EPHA5: variants seen among roughly 807,000 people sequenced by gnomAD.
The protein encoded by EPHA5 is ephrin type-A receptor 5.
EPHA5 carries 60 observed loss-of-function variants against 105.0 expected under a neutral mutation model. The ratio of observed to expected loss-of-function variants is 0.57; its 90% CI spans 0.46 to 0.71. The LOEUF (loss-of-function observed/expected upper bound fraction) is 0.71, where lower values mean the gene tolerates loss of function less well. EPHA5 is among the 30% of genes least tolerant of loss of function. EPHA5 has a pLI of 0.00. For synonymous variants in EPHA5, 513 were observed against 449.1 expected, an observed-to-expected ratio of 1.14 and a Z score of -1.80; for missense variants, 1,218 against 1,274.7, an observed-to-expected ratio of 0.96 and a Z score of 0.68.
intron 5 of EPHA5, among the ~76,000 whole-genome samples, chr4:65,443,194 A>T (rs1214931238): frequency 6.6e-6 from 1 of 152,062 alleles, no homozygotes; most frequent in African/African-American, 2.4e-5. Flanking sequence ...GAGGCATTGT[A>T]CTTCATAGAT....
chr4:65,595,393 T>C (rs1743071400), intron 3 of EPHA5, among the ~76,000 whole-genome samples: 1 of 152,088 alleles, frequency 6.6e-6, no homozygotes, highest in Admixed American at 6.6e-5. Context: ...TTTGTACTTC[T>C]AACAAAATTT....
rs1490770782 is a variant in EPHA5 at position 65,322,878 on chromosome 4, C to T, written c.*1236G>A. 3.1e-5 allele frequency: 7 copies of T among 228,670 alleles called. No homozygotes were observed. The highest frequency in any genetic ancestry group is 6.1e-5 in the Non-Finnish European group (7 of 115,320). 14.2% of individuals were successfully genotyped at this position (228,670 alleles called of 1,614,324 possible). On this transcript the variant is annotated 3_prime_UTR_variant, in exon 17 of 17. Coordinates refer to ENST00000613740, the MANE Select transcript of EPHA5 (RefSeq NM_001281766.3). ...TATATTTGTCATAATTCCATTGCTG[C>T]CTTAGAGTCAAAATTTCTAGAACTG... is the stretch of plus-strand genomic sequence containing the variant.
At chr4:65,645,075 T>C (rs908023897) in intron 1 of EPHA5, among the ~76,000 whole-genome samples, 1 of 152,080 alleles carries the variant, frequency 6.6e-6, no homozygotes, top group Non-Finnish European at 1.5e-5. Flanking sequence ...AAAACTGTTC[T>C]AATACCCACT....
intron 4 of EPHA5, among the ~76,000 whole-genome samples, chr4:65,491,532 T>C (rs1209170162): frequency 6.6e-6 from 1 of 152,078 alleles, no homozygotes; most frequent in Non-Finnish European, 1.5e-5. Context: ...TTAACACAAA[T>C]ATTTTCATAG....
At chr4:65,514,006 T>C (rs546415912) in intron 3 of EPHA5, among the ~76,000 whole-genome samples, 43 of 151,950 alleles carry the variant, frequency 2.8e-4, no homozygotes, top group Middle Eastern at 6.8e-3. Flanking sequence ...AGTAAATTCT[T>C]CTTTATCTAT....
chr4:65,542,380 G>A (rs1356258740), intron 3 of EPHA5, among the ~76,000 whole-genome samples: 1 of 151,888 alleles, frequency 6.6e-6, no homozygotes, highest in African/African-American at 2.4e-5. Flanking sequence ...AATAAAAAAT[G>A]ATAAAGGGCT....
rs150748551 is a variant in EPHA5 at position 65,486,649 on chromosome 4, T to C, written c.1402+3728A>G. 3.6e-3 allele frequency among the ~76,000 whole-genome samples: 556 copies of C among 152,366 alleles called. 14 individuals carry two copies. The highest frequency in any genetic ancestry group is 0.03 in the Admixed American group (464 of 15,304). ...CAACCACATATGGTGAAGATAACTT[T>C]CTTCAATTTAATTCTTAAAAGATAT... On this transcript the variant is annotated intron_variant, in intron 5 of 16. Transcript: ENST00000613740.
At chr4:65,357,451 G>A (rs935734542) in intron 11 of EPHA5, among the ~76,000 whole-genome samples, 3 of 151,150 alleles carry the variant, frequency 2.0e-5, no homozygotes, top group Non-Finnish European at 3.0e-5. Context: ...TACAAACTTG[G>A]GAATCACAAA....
chr4:65,661,101 C>G (rs1302344899), intron 1 of EPHA5, among the ~76,000 whole-genome samples: 1 of 152,004 alleles, frequency 6.6e-6, no homozygotes, highest in Non-Finnish European at 1.5e-5. Flanking sequence ...TAGGCAGTAC[C>G]ATTATTGCCG....
intron 1 of EPHA5, among the ~76,000 whole-genome samples, chr4:65,667,687 T>C (rs1027528466): frequency 3.3e-5 from 5 of 152,198 alleles, no homozygotes; most frequent in African/African-American, 4.8e-5. Context: ...TGCACAGTCT[T>C]GGCTCTTGTT....
chr4:65,482,079 C>A (rs1374002097), intron 5 of EPHA5, among the ~76,000 whole-genome samples: 2 of 152,080 alleles, frequency 1.3e-5, no homozygotes, highest in African/African-American at 4.8e-5. Flanking sequence ...AGGTGTATCA[C>A]CTGAGGTCAG....
intron 3 of EPHA5, among the ~76,000 whole-genome samples, chr4:65,576,000 G>GAGAGAGAGAAAGAA (rs1553943368): frequency 1.3e-4 from 4 of 29,724 alleles, no homozygotes; most frequent in Admixed American, 4.9e-4. Context: ...GAGAGAGAGA[G>GAGAGAGAGAAAGAA]AGAAAGAAAG....
intron 1 of EPHA5, among the ~76,000 whole-genome samples, chr4:65,657,064 A>G (rs975320499): frequency 6.6e-6 from 1 of 151,890 alleles, no homozygotes; most frequent in South Asian, 2.1e-4. Flanking sequence ...ACGTAAATCT[A>G]TCTTAAAATG....
intron 5 of EPHA5, among the ~76,000 whole-genome samples, chr4:65,454,391 G>A (rs1727371535): frequency 6.6e-6 from 1 of 151,980 alleles, no homozygotes. Context: ...AATCTTTTTA[G>A]TTGTGTACAA....
At chr4:65,554,981 CAAAAAAAAAA>C (rs71205383) in intron 3 of EPHA5, among the ~76,000 whole-genome samples, 204 of 92,562 alleles carry the variant, frequency 2.2e-3, no homozygotes, top group African/African-American at 7.8e-3. Context: ...TATACAACAG[CAAAAAAAAAA>C]AAAAAAAAAA....
At chr4:65,542,819 C>A (rs1223604950) in intron 3 of EPHA5, among the ~76,000 whole-genome samples, 2 of 151,106 alleles carry the variant, frequency 1.3e-5, no homozygotes, top group African/African-American at 2.4e-5. Flanking sequence ...ATATGAAAAT[C>A]CTCAATAAAA....
At chr4:65,614,051 T>A (rs139836530) in intron 2 of EPHA5, among the ~76,000 whole-genome samples, 1 of 151,914 alleles carries the variant, frequency 6.6e-6, no homozygotes, top group Non-Finnish European at 1.5e-5. Context: ...TATGATATAT[T>A]TACAGATTTA....
At chr4:65,492,171 T>C (rs1210658107) in intron 4 of EPHA5, among the ~76,000 whole-genome samples, 1 of 152,152 alleles carries the variant, frequency 6.6e-6, no homozygotes, top group African/African-American at 2.4e-5. Flanking sequence ...AGAAAGCTAA[T>C]TGGCATTTAA....
intron 5 of EPHA5, among the ~76,000 whole-genome samples, chr4:65,480,286 C>T (rs1730228111): frequency 6.6e-6 from 1 of 152,132 alleles, no homozygotes; most frequent in Non-Finnish European, 1.5e-5. Flanking sequence ...AATGTGTCAA[C>T]TTCATTGGAA....
Sources: allele counts gnomAD v4.1 joint callset (sites outside exome capture counted in the v4.1 genomes callset), GRCh38; gene constraint gnomAD v4.1.1; transcripts MANE v1.5; gene names NCBI Gene and HGNC (gene_info 2026-07-23, HGNC 2026-07-21).